DLG2: variants seen among roughly 807,000 people sequenced by gnomAD.
DLG2 encodes discs large MAGUK scaffold protein 2, also known as disks large homolog 2.
Under a neutral mutation model 132.5 loss-of-function variants are expected in DLG2, and 45 were observed. The ratio of observed to expected loss-of-function variants is 0.34; its 90% CI spans 0.27 to 0.44. The LOEUF (loss-of-function observed/expected upper bound fraction) is 0.44, where lower values mean the gene tolerates loss of function less well. Among genes scored for constraint, DLG2 ranks in the 20% least tolerant of loss-of-function variants. The probability of loss-of-function intolerance (pLI) is 1.00; values close to 1 mark genes in which losing one functional copy is unlikely to be tolerated. For missense variants in DLG2, 1,045 were observed against 1,196.9 expected, an observed-to-expected ratio of 0.87 and a Z score of 1.87; for synonymous variants, 424 against 419.6, an observed-to-expected ratio of 1.01 and a Z score of -0.13.
intron 7 of DLG2, among the ~76,000 whole-genome samples, chr11:84,467,967 T>C (rs910902701): frequency 6.6e-6 from 1 of 151,522 alleles, no homozygotes; most frequent in Non-Finnish European, 1.5e-5. Context: ...ATATGAACAT[T>C]TATTGTATTA....
chr11:84,217,529 A>T (rs766446984), intron 8 of DLG2, among the ~76,000 whole-genome samples: 64 of 152,176 alleles, frequency 4.2e-4, no homozygotes, highest in Middle Eastern at 3.2e-3. Context: ...TAAATTGCCC[A>T]GTCTCACATA....
At chr11:84,318,541 C>T (rs185025840) in intron 7 of DLG2, among the ~76,000 whole-genome samples, 27 of 152,268 alleles carry the variant, frequency 1.8e-4, no homozygotes, top group African/African-American at 6.0e-4. Flanking sequence ...TTTGCCTGAG[C>T]TGGCAAGGTG....
intron 4 of DLG2, among the ~76,000 whole-genome samples, chr11:85,179,018 GA>G (rs536296807): frequency 6.3e-4 from 95 of 151,972 alleles, no homozygotes; most frequent in African/African-American, 2.1e-3. Flanking sequence ...AGCTTTCTAA[GA>G]GGCAGTGTAC....
At position 84,906,413 on chromosome 11, in the gene DLG2, C is replaced by CAG. The variant is rs528459048; in HGVS notation, c.357+205246_357+205247dup. On this transcript the variant is annotated intron_variant, in intron 6 of 27. Coordinates refer to ENST00000376104, the MANE Select transcript of DLG2 (RefSeq NM_001142699.3). ...ACACACACACACACACACACACACA[C>CAG]AGAGAGCCAAGGGGTGGCAATAATT... 8.1e-3 allele frequency among the ~76,000 whole-genome samples: 1,208 copies of CAG among 149,726 alleles called. 3 individuals are homozygous for CAG. The highest frequency in any genetic ancestry group is 0.019 in the South Asian group (90 of 4,752).
At chr11:83,663,263 G>A (rs2074768145) in intron 18 of DLG2, among the ~76,000 whole-genome samples, 1 of 152,148 alleles carries the variant, frequency 6.6e-6, no homozygotes, top group Non-Finnish European at 1.5e-5. Flanking sequence ...TGTCAGATCT[G>A]AGAGTAGAGC....
At chr11:84,023,017 A>C (rs181937013) in intron 11 of DLG2, among the ~76,000 whole-genome samples, 1 of 152,260 alleles carries the variant, frequency 6.6e-6, no homozygotes, top group Non-Finnish European at 1.5e-5. Context: ...AGGATACAAA[A>C]AAAATGGTGA....
At chr11:83,745,003 T>C (rs916715185) in intron 18 of DLG2, among the ~76,000 whole-genome samples, 2 of 152,222 alleles carry the variant, frequency 1.3e-5, no homozygotes, top group Non-Finnish European at 2.9e-5. Flanking sequence ...CTTCTTAGGA[T>C]GCTGCAATAC....
chr11:83,491,811 C>T (rs539226499), intron 21 of DLG2, among the ~76,000 whole-genome samples: 2 of 152,104 alleles, frequency 1.3e-5, no homozygotes, highest in African/African-American at 2.4e-5. Context: ...CTCCAGCCAC[C>T]ACTCAGATCT....
At chr11:83,569,227 G>A (rs764781659) in intron 19 of DLG2, among the ~76,000 whole-genome samples, 5 of 151,376 alleles carry the variant, frequency 3.3e-5, no homozygotes, top group East Asian at 1.9e-4. Context: ...AATTTGATTC[G>A]TTTAACAATG....
intron 6 of DLG2, among the ~76,000 whole-genome samples, chr11:85,080,446 C>T (rs2067091943): frequency 6.6e-6 from 1 of 152,046 alleles, no homozygotes; most frequent in African/African-American, 2.4e-5. Context: ...CTAATATTAA[C>T]TCATAGAACA....
intron 16 of DLG2, among the ~76,000 whole-genome samples, chr11:83,836,501 A>C (rs2056210219): frequency 6.6e-6 from 1 of 152,152 alleles, no homozygotes; most frequent in Non-Finnish European, 1.5e-5. Context: ...CACATTTGGA[A>C]GCTCTGACTT....
intron 6 of DLG2, among the ~76,000 whole-genome samples, chr11:84,774,919 G>T (rs2070171524): frequency 6.6e-6 from 1 of 151,870 alleles, no homozygotes; most frequent in Non-Finnish European, 1.5e-5. Context: ...GCAATAAAAA[G>T]AAAAATTGAC....
At chr11:85,572,905 T>C (rs946128928) in intron 3 of DLG2, among the ~76,000 whole-genome samples, 4 of 152,170 alleles carry the variant, frequency 2.6e-5, no homozygotes, top group African/African-American at 9.7e-5. Flanking sequence ...ATGTTGGAGG[T>C]AGGGACTGAT....
chr11:85,097,635 T>A (rs983879043), intron 6 of DLG2, among the ~76,000 whole-genome samples: 1 of 152,204 alleles, frequency 6.6e-6, no homozygotes, highest in Non-Finnish European at 1.5e-5. Context: ...TTTCCATTGT[T>A]TTTTCTTCAG....
chr11:84,557,300 T>G (rs1000925158), intron 6 of DLG2, among the ~76,000 whole-genome samples: 1 of 152,156 alleles, frequency 6.6e-6, no homozygotes, highest in Non-Finnish European at 1.5e-5. Context: ...AAAGAATAGA[T>G]TTCATCTGTG....
In DLG2 at chr11:83,458,454, G is replaced by GAAAC. The variant is rs2089337282; in HGVS notation, c.*1360_*1363dup. On this transcript the variant is annotated 3_prime_UTR_variant, in exon 28 of 28. Transcript: ENST00000376104. Reference sequence around the variant, plus strand: ...ACTCTATCTCTTTGCTCTGTACATAGAAACAAAAAAGTCTGCACCCCCTCA... The same window carrying GAAAC: ...ACTCTATCTCTTTGCTCTGTACATAGAAACAAACAAAAAAGTCTGCACCCCCTCA... 1 of 152,728 alleles carries GAAAC rather than the reference G, an allele frequency of 6.5e-6. No homozygotes were observed. Among genetic ancestry groups the GAAAC allele is most frequent in the African/African-American group, 2.4e-5 (1 of 41,400 alleles). The allele number at this position is 152,728 out of a possible 1,614,324, so 9.5% of individuals were successfully genotyped here.
At chr11:85,264,952 A>C (rs2077129889) in intron 4 of DLG2, among the ~76,000 whole-genome samples, 1 of 152,174 alleles carries the variant, frequency 6.6e-6, no homozygotes, top group Non-Finnish European at 1.5e-5. Context: ...ATCCAGTCTT[A>C]CCTTCTATCA....
intron 14 of DLG2, among the ~76,000 whole-genome samples, chr11:83,932,230 T>C (rs2080391920): frequency 6.6e-6 from 1 of 151,722 alleles, no homozygotes; most frequent in East Asian, 1.9e-4. Flanking sequence ...GGGGTTCACA[T>C]TTGAAGATTT....
chr11:83,693,041 C>A (rs1282511533), intron 18 of DLG2: 1 of 152,158 alleles, frequency 6.6e-6, no homozygotes, highest in Non-Finnish European at 1.5e-5. Flanking sequence ...GCCCATTAGC[C>A]AAGAAGACCG....
Sources: allele counts gnomAD v4.1 joint callset (sites outside exome capture counted in the v4.1 genomes callset), GRCh38; gene constraint gnomAD v4.1.1; transcripts MANE v1.5; gene names NCBI Gene and HGNC (gene_info 2026-07-23, HGNC 2026-07-21).